The following TMPRSS13 variants were observed in gnomAD, a reference collection of about 807,000 sequenced individuals.
TMPRSS13 encodes the protein transmembrane protease serine 13.
TMPRSS13 carries 50 observed loss-of-function variants against 68.4 expected under a neutral mutation model. The ratio of observed to expected loss-of-function variants is 0.73; its 90% CI spans 0.58 to 0.93. The LOEUF (loss-of-function observed/expected upper bound fraction) is 0.93, where lower values mean the gene tolerates loss of function less well. TMPRSS13 is among the 40% of genes least tolerant of loss of function. The pLI is 0.00. For missense variants in TMPRSS13, 615 were observed against 729.2 expected (o/e 0.84, Z 1.80); for synonymous variants, 267 against 285.8 (o/e 0.93, Z 0.66).
At chr11:117,919,475 A>T (rs907730900) in intron 1 of TMPRSS13, among the ~76,000 whole-genome samples, 3 of 152,260 alleles carry the variant, frequency 2.0e-5, no homozygotes, top group Non-Finnish European at 4.4e-5. Flanking sequence ...CCCCAGCTGC[A>T]GAAGGCCCTG....
chr11:117,918,678 G>A lies in TMPRSS13; in HGVS notation c.182C>T (p.Pro61Leu), dbSNP rs1317180951. Residue 61 changes from proline (P) to leucine (L), a missense_variant, in exon 2 of 13, where the codon CCA (proline) becomes CTA (leucine). Physicochemically the swap from Pro to Leu is moderately conservative, Grantham distance 98 (BLOSUM62 -3). Coordinates refer to ENST00000524993, the MANE Select transcript of TMPRSS13 (RefSeq NM_001077263.3). The stretch of plus-strand genomic sequence containing the variant: ...TGCCCGGCCTGGAGGTGTACCAGCT[G>A]GAGATGCCTGGGCTGGAGATGCCCG... ...PGRASPAQAS[P>L]AGTPPGRASP... The A allele has an allele frequency of 6.2e-7, 1 of 1,602,672 alleles. No individual in the cohort carries two copies. The highest frequency in any genetic ancestry group is 1.4e-5 in the African/African-American group (1 of 73,834).
chr11:117,918,716 C>T lies in TMPRSS13; in HGVS notation c.144G>A (p.Gly48=). 3 of 1,603,496 alleles carry T rather than the reference C, an allele frequency of 1.9e-6. No homozygotes were observed. The highest frequency in any genetic ancestry group is 2.6e-6 in the Non-Finnish European group (3 of 1,175,136). ...QASPAQASPA[G]TPPGRASPAQ... ...CTGGAGATGCCCGGCCCGGAGGTGT[C>T]CCAGCTGGAGATGCCTGGGCTGGAG... Residue 48 remains glycine, a synonymous_variant, in exon 2 of 13, where the codon GGG becomes GGA. Coordinates refer to ENST00000524993, the MANE Select transcript of TMPRSS13 (RefSeq NM_001077263.3).
intron 10 of TMPRSS13, among the ~76,000 whole-genome samples, chr11:117,905,228 C>A (rs73020495): frequency 0.13 from 20,361 of 151,672 alleles, 1,505 homozygotes; most frequent in African/African-American, 0.18. Flanking sequence ...CCAATCATAA[C>A]CCCTGCTTCC....
chr11:117,908,673 G>A lies in TMPRSS13; in HGVS notation c.1221C>T (p.Thr407=), dbSNP rs771095961. Residue 407 remains threonine, a synonymous_variant, in exon 9 of 13, where the codon ACC becomes ACT. Transcript: ENST00000524993. ...IAEIIINSNY[T]DEEDDYDIAL... ...CGATGTCATAGTCGTCCTCCTCATC[G>A]GTGTAATTGCTGTTGATGATGATCT... The A allele has an allele frequency of 1.6e-5, 26 of 1,593,416 alleles. No homozygotes were observed. The highest frequency in any genetic ancestry group is 5.4e-5 in the Admixed American group (3 of 55,724).
chr11:117,913,858 G>T lies in TMPRSS13; in HGVS notation c.728C>A (p.Ser243Tyr). The change falls in exon 5 of 13, where the codon TCC (serine) becomes TAC (tyrosine). Residue 243 changes from serine to tyrosine, a missense_variant. By Grantham distance (144) the Ser-to-Tyr change is moderately radical. Transcript: ENST00000524993. ...KSLLKIYSGSSHQWLPICSSN... is the reference protein window; with the variant it reads ...KSLLKIYSGSYHQWLPICSSN... ...GCTACAGATGGGAAGCCACTGATGG[G>T]AGGACCCAGAGTAGATTTTAAGCAG... is the stretch of plus-strand genomic sequence containing the variant. 1 of 1,614,100 alleles carries T rather than the reference G, an allele frequency of 6.2e-7. No individual in the cohort carries two copies.
At chr11:117,923,992 C>T (rs537704919) in intron 1 of TMPRSS13, among the ~76,000 whole-genome samples, 2 of 151,856 alleles carry the variant, frequency 1.3e-5, no homozygotes, top group Non-Finnish European at 2.9e-5. Flanking sequence ...GCCATCCCTT[C>T]GTAAAGCTAC....
intron 9 of TMPRSS13, chr11:117,907,699 C>T: frequency 7.4e-6 from 5 of 676,332 alleles, no homozygotes; most frequent in Non-Finnish European, 9.1e-6. Flanking sequence ...TATCCTTCCT[C>T]TGCTGAGCTT....
At chr11:117,919,037 T>C (rs902092356) in intron 1 of TMPRSS13, among the ~76,000 whole-genome samples, 199 bp from the exon 2 acceptor site, 5 of 151,954 alleles carry the variant, frequency 3.3e-5, no homozygotes, top group African/African-American at 7.3e-5. Context: ...GTCCCCCAGC[T>C]CCCCTAGGGG....
intron 2 of TMPRSS13, among the ~76,000 whole-genome samples, chr11:117,918,022 A>T (rs1462453315): frequency 6.6e-6 from 1 of 152,114 alleles, no homozygotes; most frequent in African/African-American, 2.4e-5. Flanking sequence ...GGGCCCACTG[A>T]TCATGACCTT....
At chr11:117,904,597 C>T (rs2057444492) in intron 10 of TMPRSS13, among the ~76,000 whole-genome samples, 1 of 152,016 alleles carries the variant, frequency 6.6e-6, no homozygotes, top group Admixed American at 6.6e-5. Flanking sequence ...CATTGCTCTG[C>T]CTCACGGAGG....
chr11:117,905,371 A>G (rs1201037284), intron 10 of TMPRSS13, among the ~76,000 whole-genome samples: 1 of 151,912 alleles, frequency 6.6e-6, no homozygotes, highest in Admixed American at 6.6e-5. Flanking sequence ...TCTCTCTCTC[A>G]TTGCAATGAG....
intron 3 of TMPRSS13, 145 bp downstream of exon 3, chr11:117,917,025 C>T (rs1252960446): frequency 5.7e-6 from 4 of 704,588 alleles, no homozygotes; most frequent in African/African-American, 5.3e-5. Flanking sequence ...AGTCCAAGGC[C>T]ATTTGCAGGA....
intron 1 of TMPRSS13, among the ~76,000 whole-genome samples, chr11:117,921,326 G>T (rs925812782): frequency 6.6e-6 from 1 of 152,184 alleles, no homozygotes; most frequent in Non-Finnish European, 1.5e-5. Flanking sequence ...TTAGCAAGCT[G>T]GGCAGGAATT....
chr11:117,910,102 C>T, intron 7 of TMPRSS13, 134 bp from the exon 8 acceptor site: 1 of 1,071,006 alleles, frequency 9.3e-7, no homozygotes, highest in Non-Finnish European at 1.3e-6. Flanking sequence ...GGGCACCCAC[C>T]CTTCCATGGA....
chr11:117,922,211 G>A lies in TMPRSS13; in HGVS notation c.22-3373C>T, dbSNP rs534638862. Among the ~76,000 whole-genome samples, 34 of 152,276 alleles carry A rather than the reference G, an allele frequency of 2.2e-4. No individual in the cohort carries two copies. Among genetic ancestry groups the A allele is most frequent in the Non-Finnish European group, 4.0e-4 (27 of 68,034 alleles). ...GAGGCCTTCAGCAGCTGGGGAATAG[G>A]AAGGGGAGGAGACTACTTGTTTGTT... On this transcript the variant is annotated intron_variant, in intron 1 of 12. Coordinates refer to ENST00000524993, the MANE Select transcript of TMPRSS13 (RefSeq NM_001077263.3). This position sits in a 1 kb window ranked among gnomAD's most constrained non-coding sequence, Gnocchi z 4.2.
intron 9 of TMPRSS13, chr11:117,907,963 C>A: frequency 2.0e-6 from 2 of 987,708 alleles, no homozygotes; most frequent in Non-Finnish European, 2.4e-6. Context: ...CTTCTGAGAA[C>A]CTCTGCAGCA....
At chr11:117,912,827 T>TAC (rs1313432803) in intron 5 of TMPRSS13, among the ~76,000 whole-genome samples, 1 of 152,228 alleles carries the variant, frequency 6.6e-6, no homozygotes, top group Admixed American at 6.5e-5. Flanking sequence ...GTCCAGGTAC[T>TAC]ACACAGTATC....
chr11:117,908,424 C>G, intron 9 of TMPRSS13, 188 bp downstream of exon 9: 1 of 662,674 alleles, frequency 1.5e-6, no homozygotes, highest in South Asian at 1.9e-5. Flanking sequence ...TTATTTATAA[C>G]CCTTGGGCTT....
intron 7 of TMPRSS13, 57 bp downstream of exon 7, chr11:117,910,650 C>T (rs1197758690): frequency 1.3e-6 from 2 of 1,543,704 alleles, no homozygotes; most frequent in Admixed American, 1.8e-5. Context: ...AGTGCTGCCC[C>T]TCTGCCCTTT....
Sources: gnomAD v4.1 joint callset for allele counts (sites outside exome capture counted in the v4.1 genomes callset) on GRCh38, gnomAD v4.1.1 for gene constraint, Gnocchi (gnomAD v3.1) non-coding constraint, MANE v1.5 for transcripts, NCBI Gene and HGNC (gene_info 2026-07-23, HGNC 2026-07-21) for gene names.